Variants in AGPAT3 observed in about 807,000 individuals in gnomAD.
AGPAT3 encodes the protein 1-acyl-sn-glycerol-3-phosphate acyltransferase gamma.
In AGPAT3, 5 loss-of-function variants were observed where a neutral mutation model predicts 47.3. The observed-to-expected ratio is 0.11, with a 90% CI of 0.06 to 0.22. AGPAT3 has a LOEUF of 0.22. Among genes scored for constraint, AGPAT3 ranks in the 10% least tolerant of loss-of-function variants. The pLI is 1.00. For synonymous variants in AGPAT3, 212 were observed against 208.3 expected (o/e 1.02, Z -0.15); for missense variants, 315 against 493.0 (o/e 0.64, Z 3.42).
chr21:43,908,366 G>A lies in AGPAT3; in HGVS notation c.-49+4347G>A, dbSNP rs2086552446. On this transcript the variant is annotated intron_variant, in intron 2 of 9. Transcript: ENST00000291572. This position sits in a 1 kb window ranked among gnomAD's most constrained non-coding sequence, Gnocchi z 4.9. ...GGCCACCTGCCAACCTGACCTGTGT[G>A]TTGAGCCCCGGCCCTTCTCGATCAG... Among the ~76,000 whole-genome samples the A allele has an allele frequency of 6.6e-6, 1 of 152,212 alleles. No homozygotes were observed. The highest frequency in any genetic ancestry group is 1.5e-5 in the Non-Finnish European group (1 of 68,038).
At chr21:43,895,845 C>T (rs776826841) in intron 1 of AGPAT3, among the ~76,000 whole-genome samples, 3 of 152,238 alleles carry the variant, frequency 2.0e-5, no homozygotes, top group African/African-American at 7.2e-5. Context: ...CGGCTCACTG[C>T]AACCTCCACC....
intron 1 of AGPAT3, among the ~76,000 whole-genome samples, chr21:43,883,663 G>A (rs1391769365): frequency 4.6e-5 from 7 of 152,064 alleles, no homozygotes; most frequent in Non-Finnish European, 1.0e-4. Context: ...GTATAATCTC[G>A]GCTCACTGCA....
rs531675332 is a variant in AGPAT3 at position 43,896,508 on chromosome 21, C to T, written c.-111-7449C>T. Among the ~76,000 whole-genome samples the T allele has an allele frequency of 7.9e-5, 12 of 152,362 alleles. No homozygotes were observed. The South Asian group carries it at 2.3e-3, about 29-fold the overall frequency. ...ATACTAAGGGTCAGCAAACTACAGC[C>T]TATAGGCTAAGTCTGGCTAGCTACC... On this transcript the variant is annotated intron_variant, in intron 1 of 9. Coordinates refer to ENST00000291572, the MANE Select transcript of AGPAT3 (RefSeq NM_020132.5).
At chr21:43,902,115 C>T (rs2086371297) in intron 1 of AGPAT3, among the ~76,000 whole-genome samples, 2 of 152,118 alleles carry the variant, frequency 1.3e-5, no homozygotes, top group Non-Finnish European at 1.5e-5. Context: ...CAATACACAC[C>T]ATCATCCAAT....
intron 2 of AGPAT3, among the ~76,000 whole-genome samples, chr21:43,943,736 T>G (rs1181738824): frequency 6.6e-6 from 1 of 150,754 alleles, no homozygotes; most frequent in Non-Finnish European, 1.5e-5. Context: ...GAGGTTGGAG[T>G]CGGGGTGGGG....
rs977135481 is a variant in AGPAT3, at chr21:43,891,581, C to G, written c.-111-12376C>G. Among the ~76,000 whole-genome samples the G allele has an allele frequency of 4.0e-5, 6 of 150,980 alleles. No homozygotes were observed. The East Asian group carries it at 1.2e-3, about 29-fold the overall frequency. The stretch of plus-strand genomic sequence containing the variant: ...CCGGGAGGTGGAGTTTGCAGTGAGC[C>G]GAGATAGTGCCACTGCACTCCAGTC... On this transcript the variant is annotated intron_variant, in intron 1 of 9. Transcript: ENST00000291572.
intron 2 of AGPAT3, among the ~76,000 whole-genome samples, chr21:43,942,713 CTGCCCGCGGTCACCCTAGGG>C (rs1268359913): frequency 2.6e-5 from 4 of 152,228 alleles, no homozygotes; most frequent in Non-Finnish European, 4.4e-5. Flanking sequence ...GCAGCCACGC[CTGCCCGCGGTCACCCTAGGG>C]TGCAGCGGTC....
At chr21:43,877,024 A>C (rs1207766438) in intron 1 of AGPAT3, among the ~76,000 whole-genome samples, 1 of 151,890 alleles carries the variant, frequency 6.6e-6, no homozygotes, top group Non-Finnish European at 1.5e-5. Flanking sequence ...ACGCCCAGCT[A>C]ATTTTTTGTA....
Position 43,954,984 on chromosome 21 carries a change from T to C in AGPAT3, c.-48-4650T>C, listed in dbSNP as rs1569087653. The C allele has an allele frequency of 9.0e-7, 1 of 1,110,316 alleles. No individual in the cohort carries two copies. The allele number at this position is 1,110,316 out of a possible 1,614,324, so 68.8% of individuals were successfully genotyped here. A position where few individuals can be genotyped will look rare whatever the true frequency, so the allele number is the denominator to read the frequency against. On this transcript the variant is annotated intron_variant, in intron 2 of 9. Coordinates refer to ENST00000291572, the MANE Select transcript of AGPAT3 (RefSeq NM_020132.5). This position sits in a 1 kb window ranked among gnomAD's most constrained non-coding sequence, Gnocchi z 4.0. ...GTGACACCGAGGACGGTTGATAAAG[T>C]GGATTCTCGAGGGGAAGCTGCATCC... is the stretch of plus-strand genomic sequence containing the variant.
At position 43,881,813 on chromosome 21, in the gene AGPAT3, G is replaced by A. The variant is rs1160212600; in HGVS notation, c.-112+16468G>A. Reference sequence around the variant, plus strand: ...TGGGATTACAGGTGCATGCCACCACGCCCGGCTAATTTTTGTATTTTTAAT... The same window carrying A: ...TGGGATTACAGGTGCATGCCACCACACCCGGCTAATTTTTGTATTTTTAAT... On this transcript the variant is annotated intron_variant, in intron 1 of 9. Transcript: ENST00000291572. Among the ~76,000 whole-genome samples, 4 of 152,026 alleles carry A rather than the reference G, an allele frequency of 2.6e-5. No homozygotes were observed. In the East Asian group the frequency reaches 5.8e-4, roughly 22 times the overall value.
chr21:43,921,801 TTC>T lies in AGPAT3; in HGVS notation c.-49+17783_-49+17784del, dbSNP rs1491128157. 2.0e-5 allele frequency among the ~76,000 whole-genome samples: 3 copies of T among 152,268 alleles called. No individual in the cohort carries two copies. In the East Asian group the frequency reaches 5.8e-4, roughly 29 times the overall value. ...GTTGATTCTCTGAGCTCTTTTTTTT[TTC>T]CCCCAGGGATAAAGCGTTAATTACT... On this transcript the variant is annotated intron_variant, in intron 2 of 9. Transcript: ENST00000291572.
Position 43,897,659 on chromosome 21 carries a change from C to G in AGPAT3, c.-111-6298C>G, listed in dbSNP as rs374550152. Among the ~76,000 whole-genome samples, 1,151 of 126,236 alleles carry G rather than the reference C, an allele frequency of 9.1e-3. 14 individuals are homozygous for G. The highest frequency in any genetic ancestry group is 0.029 in the African/African-American group (710 of 24,754). 82.8% of individuals were successfully genotyped at this position (126,236 alleles called of 152,430 possible). ...GCAGAGGCGCTCCTCACATCCCAGA[C>G]GGGGCGGCCGGGCAGAGGGGCTCCT... On this transcript the variant is annotated intron_variant, in intron 1 of 9. Coordinates refer to ENST00000291572, the MANE Select transcript of AGPAT3 (RefSeq NM_020132.5).
chr21:43,918,687 A>G (rs1343698296), intron 2 of AGPAT3, among the ~76,000 whole-genome samples: 3 of 150,178 alleles, frequency 2.0e-5, no homozygotes, highest in Non-Finnish European at 3.0e-5. Flanking sequence ...CCCGGGTTCC[A>G]GTGATTCTCC....
chr21:43,911,478 GC>G (rs2086632511), intron 2 of AGPAT3, among the ~76,000 whole-genome samples: 1 of 152,160 alleles, frequency 6.6e-6, no homozygotes, highest in South Asian at 2.1e-4. Context: ...TGCAACACTG[GC>G]CCTCACAGCT....
chr21:43,971,520 GC>G (rs757115296), intron 7 of AGPAT3, 30 bp downstream of exon 7: 23 of 1,600,984 alleles, frequency 1.4e-5, no homozygotes, highest in East Asian at 2.2e-5. Context: ...CTCTCGCGCC[GC>G]CCCCCATACC....
chr21:43,890,075 A>G (rs2086068315), intron 1 of AGPAT3, among the ~76,000 whole-genome samples: 1 of 152,078 alleles, frequency 6.6e-6, no homozygotes, highest in Admixed American at 6.6e-5. Flanking sequence ...TCCCTGTCTG[A>G]ATCTCAGTTG....
rs11910903 is a variant in AGPAT3 at position 43,967,675 on chromosome 21, G to A, written c.179-271G>A. On this transcript the variant is annotated intron_variant, in intron 3 of 9. Coordinates refer to ENST00000291572, the MANE Select transcript of AGPAT3 (RefSeq NM_020132.5). The stretch of plus-strand genomic sequence containing the variant: ...CTCGGCCACACCAAGGTGCACGTGA[G>A]AAGCGTAATTGGGCGTAAAGATCAG... 9.7e-3 allele frequency: 4,098 copies of A among 422,908 alleles called. 150 individuals are homozygous for A. Among genetic ancestry groups the A allele is most frequent in the African/African-American group, 0.074 (3,738 of 50,282 alleles). 26.2% of individuals were successfully genotyped at this position (422,908 alleles called of 1,614,324 possible). A position where few individuals can be genotyped will look rare whatever the true frequency, so the allele number is the denominator to read the frequency against.
chr21:43,948,422 A>AT (rs2146453583), intron 2 of AGPAT3: 1 of 152,346 alleles, frequency 6.6e-6, no homozygotes, highest in Admixed American at 6.5e-5. Context: ...CCCAGGGCAC[A>AT]TGCCCATCCC....
chr21:43,891,532 C>CTACTCT (rs2086102320), intron 1 of AGPAT3, among the ~76,000 whole-genome samples: 1 of 151,816 alleles, frequency 6.6e-6, no homozygotes, highest in African/African-American at 2.4e-5. Flanking sequence ...ACTCAAGAGG[C>CTACTCT]TGAGGAAGGA....
Sources: gnomAD v4.1 joint callset for allele counts (sites outside exome capture counted in the v4.1 genomes callset) on GRCh38, gnomAD v4.1.1 for gene constraint, Gnocchi (gnomAD v3.1) non-coding constraint, MANE v1.5 for transcripts, NCBI Gene and HGNC (gene_info 2026-07-23, HGNC 2026-07-21) for gene names.